Variants in MEGF10 observed in about 807,000 individuals in gnomAD.
MEGF10 encodes the protein multiple epidermal growth factor-like domains protein 10.
A neutral mutation model predicts 147.5 loss-of-function variants in MEGF10; 86 were observed. That is an observed-to-expected ratio of 0.58 (90% CI 0.49 to 0.70). MEGF10 has a LOEUF of 0.70. Ranked by LOEUF, MEGF10 falls within the 30% of genes least tolerant of loss-of-function variation. MEGF10 has a pLI of 0.00. For missense variants in MEGF10, 1,329 were observed against 1,487.3 expected, an observed-to-expected ratio of 0.89 and a Z score of 1.75; for synonymous variants, 478 against 525.5, an observed-to-expected ratio of 0.91 and a Z score of 1.24.
chr5:127,420,902 G>A (rs1388498361), intron 12 of MEGF10, among the ~76,000 whole-genome samples: 1 of 152,088 alleles, frequency 6.6e-6, no homozygotes, highest in Non-Finnish European at 1.5e-5. Flanking sequence ...TTCTCTCTGT[G>A]GTGTGTGTTC....
At chr5:127,304,476 C>T (rs376051147) in intron 1 of MEGF10, among the ~76,000 whole-genome samples, 2 of 152,076 alleles carry the variant, frequency 1.3e-5, no homozygotes, top group African/African-American at 2.4e-5. Context: ...ACTATCAGGA[C>T]GTATGTTCTT....
At chr5:127,422,872 CA>C (rs1273685775) in intron 13 of MEGF10, 100 bp downstream of exon 13, 84 of 859,206 alleles carry the variant, frequency 9.8e-5, no homozygotes, top group Middle Eastern at 2.2e-4. Context: ...GTCAACTTTT[CA>C]AAAAAAATGA....
intron 18 of MEGF10, 73 bp from the exon 19 acceptor site, chr5:127,442,925 G>A: frequency 6.6e-7 from 1 of 1,515,078 alleles, no homozygotes. Context: ...TAGATGTGCA[G>A]GGCTTGCAGT....
At chr5:127,310,027 T>C (rs1370209563) in intron 1 of MEGF10, among the ~76,000 whole-genome samples, 8,236 of 64,402 alleles carry the variant, frequency 0.13, 2,163 homozygotes, top group Non-Finnish European at 0.17. Flanking sequence ...TTTTTCTTTC[T>C]TTCTTTCCTT....
At chr5:127,333,347 C>T (rs546927461) in intron 2 of MEGF10, among the ~76,000 whole-genome samples, 1 of 152,002 alleles carries the variant, frequency 6.6e-6, no homozygotes, top group Non-Finnish European at 1.5e-5. Flanking sequence ...AAAGCCCCAT[C>T]TTTACTAAAA....
At chr5:127,298,635 G>A (rs1759623006) in intron 1 of MEGF10, among the ~76,000 whole-genome samples, 1 of 152,106 alleles carries the variant, frequency 6.6e-6, no homozygotes, top group Admixed American at 6.6e-5. Flanking sequence ...ATCCTTGTTG[G>A]ACTTATAGTG....
intron 2 of MEGF10, among the ~76,000 whole-genome samples, chr5:127,336,778 T>A (rs1401190804): frequency 6.6e-6 from 1 of 152,096 alleles, no homozygotes; most frequent in Non-Finnish European, 1.5e-5. Context: ...GTTGAATAAG[T>A]TTTTTCTCCC....
chr5:127,370,236 A>G (rs528770274), intron 5 of MEGF10, among the ~76,000 whole-genome samples: 1 of 152,236 alleles, frequency 6.6e-6, no homozygotes, highest in East Asian at 1.9e-4. Flanking sequence ...CAGTGATCAT[A>G]CAACAGCTCA....
At chr5:127,252,533 CTATT>C in the MEGF10 span, among the ~76,000 whole-genome samples, 574 of 151,852 alleles carry the variant, frequency 3.8e-3, 5 homozygotes, top group African/African-American at 0.012. Context: ...CAGAATAGCT[CTATT>C]TATTCTTTAC....
At chr5:127,354,891 G>C (rs991404557) in intron 4 of MEGF10, among the ~76,000 whole-genome samples, 3 of 152,194 alleles carry the variant, frequency 2.0e-5, no homozygotes, top group African/African-American at 7.2e-5. Context: ...CCACAGGGGG[G>C]TCTGATTAGG....
At chr5:127,347,491 T>A (rs1440187864) in intron 4 of MEGF10, among the ~76,000 whole-genome samples, 1 of 152,088 alleles carries the variant, frequency 6.6e-6, no homozygotes. Flanking sequence ...TTTTGTTATA[T>A]ACATTAATCC....
intron 22 of MEGF10, among the ~76,000 whole-genome samples, chr5:127,454,283 T>G (rs1224619780): frequency 6.6e-6 from 1 of 152,256 alleles, no homozygotes; most frequent in Non-Finnish European, 1.5e-5. Flanking sequence ...CTGTGCAACC[T>G]TGAATCAAGT....
chr5:127,251,770 C>G, the MEGF10 span, among the ~76,000 whole-genome samples: 7 of 151,598 alleles, frequency 4.6e-5, no homozygotes, highest in Non-Finnish European at 1.0e-4. Context: ...AACATTAAAA[C>G]CATAAAGGAA....
the MEGF10 span, among the ~76,000 whole-genome samples, chr5:127,236,954 A>G: frequency 6.6e-6 from 1 of 152,202 alleles, no homozygotes; most frequent in Non-Finnish European, 1.5e-5. Context: ...TTGCCCCCAG[A>G]TTTAGGGAGT....
the MEGF10 span, among the ~76,000 whole-genome samples, chr5:127,285,303 A>G: frequency 6.6e-6 from 1 of 152,180 alleles, no homozygotes; most frequent in Non-Finnish European, 1.5e-5. Flanking sequence ...GATGGACTGC[A>G]TATACAAAAA....
chr5:127,364,685 A>G (rs1762592860), intron 4 of MEGF10, among the ~76,000 whole-genome samples: 1 of 152,242 alleles, frequency 6.6e-6, no homozygotes, highest in East Asian at 1.9e-4. Context: ...AATTGTCCTC[A>G]GATAAAAGTG....
chr5:127,367,197 G>C (rs1762689388), intron 4 of MEGF10, among the ~76,000 whole-genome samples: 1 of 152,014 alleles, frequency 6.6e-6, no homozygotes. Flanking sequence ...AAGACGAGTG[G>C]TAAAAAGTGA....
intron 9 of MEGF10, among the ~76,000 whole-genome samples, chr5:127,413,592 C>T (rs1764650534): frequency 2.0e-5 from 3 of 152,134 alleles, no homozygotes; most frequent in African/African-American, 7.2e-5. Context: ...CAACTATTCC[C>T]ATATGTGTAT....
chr5:127,415,802 C>G (rs1764742496), intron 9 of MEGF10, among the ~76,000 whole-genome samples: 1 of 147,938 alleles, frequency 6.8e-6, no homozygotes, highest in African/African-American at 2.5e-5. Context: ...ACTCGGGAGG[C>G]TGAGGCAGAA....
Sources: allele counts gnomAD v4.1 joint callset (sites outside exome capture counted in the v4.1 genomes callset), GRCh38; gene constraint gnomAD v4.1.1; transcripts MANE v1.5; gene names NCBI Gene and HGNC (gene_info 2026-07-23, HGNC 2026-07-21).